Variants in NFASC observed in about 807,000 individuals in gnomAD.
NFASC encodes the protein neurofascin homolog.
Under a neutral mutation model 147.5 loss-of-function variants are expected in NFASC, and 43 were observed. The ratio of observed to expected loss-of-function variants is 0.29; its 90% CI spans 0.23 to 0.38. The LOEUF (loss-of-function observed/expected upper bound fraction) is 0.38. Among genes scored for constraint, NFASC ranks in the 10% least tolerant of loss-of-function variants. The pLI is 1.00. For missense variants in NFASC, 1,320 were observed against 1,689.0 expected, an observed-to-expected ratio of 0.78 and a Z score of 3.83; for synonymous variants, 622 against 665.5, an observed-to-expected ratio of 0.93 and a Z score of 1.01.
intron 1 of NFASC, among the ~76,000 whole-genome samples, chr1:204,913,501 C>T (rs956136060): frequency 1.2e-4 from 19 of 152,014 alleles, no homozygotes; most frequent in Non-Finnish European, 2.1e-4. Context: ...AGAAATAGAC[C>T]TAAACACATA....
At chr1:204,847,237 A>T (rs1240562619) in intron 1 of NFASC, among the ~76,000 whole-genome samples, 1 of 152,186 alleles carries the variant, frequency 6.6e-6, no homozygotes, top group Non-Finnish European at 1.5e-5. Context: ...AGTTAAAATA[A>T]TGGCAGCTAC....
chr1:204,863,537 C>T (rs147873267), intron 1 of NFASC, among the ~76,000 whole-genome samples: 6 of 152,176 alleles, frequency 3.9e-5, no homozygotes, highest in African/African-American at 1.4e-4. Flanking sequence ...GTTTCCAGAA[C>T]GTTTTCACCC....
At chr1:204,973,988 G>A (rs2246791) in intron 12 of NFASC, among the ~76,000 whole-genome samples, 191 bp from the exon 13 acceptor site, 44,772 of 152,032 alleles carry the variant, frequency 0.29, 7,545 homozygotes, top group East Asian at 0.69. Context: ...GTTGAGGGCA[G>A]AGGACGTAGT....
chr1:204,967,040 C>T (rs918490161), intron 8 of NFASC, among the ~76,000 whole-genome samples: 3 of 152,086 alleles, frequency 2.0e-5, no homozygotes, highest in South Asian at 2.1e-4. Flanking sequence ...CTACCAGCAC[C>T]GATTAAACCC....
chr1:204,846,411 A>G (rs1677047705), intron 1 of NFASC, among the ~76,000 whole-genome samples: 1 of 152,026 alleles, frequency 6.6e-6, no homozygotes, highest in East Asian at 1.9e-4. Context: ...CTCCATAAAG[A>G]TGGGGAAACT....
intron 1 of NFASC, among the ~76,000 whole-genome samples, chr1:204,889,755 C>T (rs1038223524): frequency 6.6e-6 from 1 of 152,114 alleles, no homozygotes; most frequent in African/African-American, 2.4e-5. Context: ...AGAAACAGTC[C>T]GGGAAGGCCA....
At chr1:204,916,407 C>G (rs960505442) in intron 1 of NFASC, among the ~76,000 whole-genome samples, 4 of 152,228 alleles carry the variant, frequency 2.6e-5, no homozygotes, top group African/African-American at 9.6e-5. Flanking sequence ...TAAGGATTAT[C>G]TGTCTGTCTA....
Position 204,878,218 on chromosome 1 carries a change from C to T in NFASC, c.-199-42414C>T, listed in dbSNP as rs188615923. 2.0e-5 allele frequency among the ~76,000 whole-genome samples: 3 copies of T among 152,338 alleles called. No individual in the cohort carries two copies. In the East Asian group the frequency reaches 5.8e-4, roughly 29 times the overall value. Reference sequence around the variant, plus strand: ...ACTAAAAACTTCACCTTCTTTTATACAGCAGCTCTGTGAGATAGGGTCAAA... The same window carrying T: ...ACTAAAAACTTCACCTTCTTTTATATAGCAGCTCTGTGAGATAGGGTCAAA... On this transcript the variant is annotated intron_variant, in intron 1 of 29. Coordinates refer to ENST00000339876, the MANE Select transcript of NFASC (RefSeq NM_001005388.3).
At position 204,974,881 on chromosome 1, in the gene NFASC, A is replaced by G. The variant is rs112714485; in HGVS notation, c.1558+58A>G. Reference sequence around the variant, plus strand: ...AGAGGGACAAGGAGGCCATGCTGGCAGTTATCCACATACAATATTCACATT... The same window carrying G: ...AGAGGGACAAGGAGGCCATGCTGGCGGTTATCCACATACAATATTCACATT... On this transcript the variant is annotated intron_variant, in intron 14 of 29. Transcript: ENST00000339876. The G allele has an allele frequency of 1.7e-3, 2,607 of 1,530,986 alleles. 24 individuals carry two copies. In the African/African-American group the frequency reaches 0.031, roughly 18 times the overall value. 94.8% of individuals were successfully genotyped at this position (1,530,986 alleles called of 1,614,324 possible).
intron 1 of NFASC, among the ~76,000 whole-genome samples, chr1:204,877,221 C>T (rs2079198803): frequency 6.7e-6 from 1 of 150,272 alleles, no homozygotes; most frequent in African/African-American, 2.4e-5. Flanking sequence ...AGTAAGCAAA[C>T]ATGCATGTTA....
chr1:204,843,728 C>T (rs535910501), intron 1 of NFASC, among the ~76,000 whole-genome samples: 10 of 148,614 alleles, frequency 6.7e-5, no homozygotes, highest in South Asian at 6.5e-4. Flanking sequence ...CTTTCTTTCA[C>T]GGAATTTCAC....
At chr1:204,868,949 C>A (rs1324086378) in intron 1 of NFASC, among the ~76,000 whole-genome samples, 3 of 152,222 alleles carry the variant, frequency 2.0e-5, no homozygotes, top group African/African-American at 4.8e-5. Context: ...CAGAACTTTG[C>A]CCCTGACCTG....
intron 2 of NFASC, among the ~76,000 whole-genome samples, chr1:204,931,770 G>A (rs986639817): frequency 8.5e-5 from 13 of 152,132 alleles, no homozygotes; most frequent in Non-Finnish European, 1.3e-4. Flanking sequence ...TGTGTTCTTG[G>A]TGTCAATTAT....
chr1:204,927,976 G>A (rs1239474518), intron 2 of NFASC, among the ~76,000 whole-genome samples: 29 of 152,236 alleles, frequency 1.9e-4, no homozygotes, highest in Admixed American at 1.9e-3. Context: ...CTCCGTGGTG[G>A]TGGGATCGGA....
chr1:204,970,330 A>T, intron 10 of NFASC, among the ~76,000 whole-genome samples: 1 of 151,102 alleles, frequency 6.6e-6, no homozygotes. Context: ...GATAGGCCCT[A>T]ACATCCCTTT....
At chr1:204,981,271 C>T (rs1243626299) in intron 20 of NFASC, among the ~76,000 whole-genome samples, 1 of 152,218 alleles carries the variant, frequency 6.6e-6, no homozygotes, top group Admixed American at 6.5e-5. Flanking sequence ...CTGGGCCAGG[C>T]CCTTAGAAAA....
chr1:204,961,175 C>T (rs891620403), intron 8 of NFASC, among the ~76,000 whole-genome samples: 2 of 152,120 alleles, frequency 1.3e-5, no homozygotes, highest in African/African-American at 4.8e-5. Flanking sequence ...AGGACGCTGG[C>T]GTGATGATGT....
At chr1:204,849,750 G>A (rs898623288) in intron 1 of NFASC, among the ~76,000 whole-genome samples, 1 of 152,162 alleles carries the variant, frequency 6.6e-6, no homozygotes, top group African/African-American at 2.4e-5. Flanking sequence ...GGTGGTAAGG[G>A]ACTGCCTTCC....
chr1:204,933,907 G>A (rs561625186), intron 2 of NFASC, among the ~76,000 whole-genome samples: 10 of 152,244 alleles, frequency 6.6e-5, no homozygotes, highest in African/African-American at 1.9e-4. Context: ...GGAGGCCAAC[G>A]TGGGTGGATC....
Sources: gnomAD v4.1 joint callset for allele counts (sites outside exome capture counted in the v4.1 genomes callset) on GRCh38, gnomAD v4.1.1 for gene constraint, MANE v1.5 for transcripts, NCBI Gene and HGNC (gene_info 2026-07-23, HGNC 2026-07-21) for gene names.